ISOC1: variants seen among roughly 807,000 people sequenced by gnomAD.
ISOC1 encodes isochorismatase domain-containing protein 1.
Under a neutral mutation model 30.0 loss-of-function variants are expected in ISOC1, and 33 were observed. That is an observed-to-expected ratio of 1.10 (90% CI 0.83 to 1.47). ISOC1 has a LOEUF of 1.47. Ranked by LOEUF, ISOC1 falls within the 40% of genes most tolerant of loss-of-function variation. ISOC1 has a pLI of 0.00. For synonymous variants in ISOC1, 178 were observed against 159.8 expected, an observed-to-expected ratio of 1.11 and a Z score of -0.86; for missense variants, 372 against 388.0, an observed-to-expected ratio of 0.96 and a Z score of 0.35.
intron 3 of ISOC1, 44 bp from the exon 4 acceptor site, chr5:129,106,902 A>G (rs1227379476): frequency 7.4e-7 from 1 of 1,350,704 alleles, no homozygotes; most frequent in African/African-American, 1.4e-5. Flanking sequence ...AACTACTTTT[A>G]GTTTATTATG....
intron 4 of ISOC1, among the ~76,000 whole-genome samples, chr5:129,109,435 C>CT (rs1561423757): frequency 6.6e-6 from 1 of 152,122 alleles, no homozygotes; most frequent in South Asian, 2.1e-4. Flanking sequence ...TTAGCTGCTG[C>CT]TTTTTTTGTT....
chr5:129,102,034 A>G (rs950462862), intron 1 of ISOC1, among the ~76,000 whole-genome samples: 7 of 152,198 alleles, frequency 4.6e-5, no homozygotes, highest in African/African-American at 1.4e-4. Flanking sequence ...TGATGTCATT[A>G]ATGACATTAA....
chr5:129,101,861 T>C (rs1233991115), intron 1 of ISOC1, among the ~76,000 whole-genome samples: 1 of 152,222 alleles, frequency 6.6e-6, no homozygotes, highest in African/African-American at 2.4e-5. Context: ...TTTAATGACC[T>C]TGACAGTTTT....
chr5:129,097,024 C>T (rs1478862404), intron 1 of ISOC1, among the ~76,000 whole-genome samples: 1 of 152,052 alleles, frequency 6.6e-6, no homozygotes, highest in Non-Finnish European at 1.5e-5. Context: ...GTAGCTTTTG[C>T]AGTGTTTTGC....
intron 1 of ISOC1, among the ~76,000 whole-genome samples, chr5:129,101,161 C>CAAAAAAA (rs1156603818): frequency 6.2e-4 from 12 of 19,500 alleles, no homozygotes; most frequent in Non-Finnish European, 8.8e-4. Flanking sequence ...CTCAGCTAAT[C>CAAAAAAA]AAAAAAAAAA....
intron 1 of ISOC1, among the ~76,000 whole-genome samples, chr5:129,096,903 T>G (rs1753509947): frequency 6.6e-6 from 1 of 152,126 alleles, no homozygotes; most frequent in African/African-American, 2.4e-5. Context: ...TATTTGAAAA[T>G]TTCAGGGCCT....
chr5:129,100,928 CTT>C (rs1275088109), intron 1 of ISOC1, among the ~76,000 whole-genome samples: 1 of 150,310 alleles, frequency 6.7e-6, no homozygotes, highest in Non-Finnish European at 1.5e-5. Context: ...AAAAAACTAA[CTT>C]TTTATTTTAG....
At chr5:129,102,072 G>A (rs922141998) in intron 1 of ISOC1, among the ~76,000 whole-genome samples, 10 of 152,074 alleles carry the variant, frequency 6.6e-5, no homozygotes, top group South Asian at 6.2e-4. Flanking sequence ...AGACACAGTC[G>A]TCAGGTCTCT....
In ISOC1 at chr5:129,114,007, A is replaced by T. The variant is rs566420428; in HGVS notation, c.*1006A>T. On this transcript the variant is annotated 3_prime_UTR_variant, in exon 5 of 5. Coordinates refer to ENST00000173527, the MANE Select transcript of ISOC1 (RefSeq NM_016048.2). ...GTGAAATGTGAAACTGCTGTCTTTTATATTAAAGTAATTAAAGAAAATGTA... is the reference window on the plus strand; with the variant it reads ...GTGAAATGTGAAACTGCTGTCTTTTTTATTAAAGTAATTAAAGAAAATGTA... 5.9e-5 allele frequency: 9 copies of T among 152,238 alleles called. No individual in the cohort carries two copies. Among genetic ancestry groups the T allele is most frequent in the African/African-American group, 2.2e-4 (9 of 41,508 alleles). 9.4% of individuals were successfully genotyped at this position (152,238 alleles called of 1,614,324 possible).
chr5:129,112,431 A>G lies in ISOC1; in HGVS notation c.751-424A>G, dbSNP rs201029341. ...TCACAAGCAGCCCTCATTTGAGTCA[A>G]TGAATGAGTAAGACATGAAGCACAA... On this transcript the variant is annotated intron_variant, in intron 4 of 4. Coordinates refer to ENST00000173527, the MANE Select transcript of ISOC1 (RefSeq NM_016048.2). 5.9e-5 allele frequency among the ~76,000 whole-genome samples: 9 copies of G among 152,328 alleles called. No individual in the cohort carries two copies. In the East Asian group the frequency reaches 1.7e-3, roughly 29 times the overall value.
At chr5:129,107,553 G>A (rs1282283674) in intron 4 of ISOC1, among the ~76,000 whole-genome samples, 1 of 152,056 alleles carries the variant, frequency 6.6e-6, no homozygotes, top group East Asian at 1.9e-4. Flanking sequence ...AAAATAGAAT[G>A]ATAGGGCAGA....
chr5:129,108,510 C>CT (rs561317009), intron 4 of ISOC1, among the ~76,000 whole-genome samples: 10,335 of 144,032 alleles, frequency 0.072, 625 homozygotes, highest in African/African-American at 0.17. Context: ...TAATCCATTT[C>CT]TTTTTTTTTT....
At chr5:129,112,227 C>T (rs1333829566) in intron 4 of ISOC1, among the ~76,000 whole-genome samples, 1 of 151,936 alleles carries the variant, frequency 6.6e-6, no homozygotes, top group Non-Finnish European at 1.5e-5. Context: ...TATTACGCTC[C>T]CCTCGATTTT....
At position 129,094,992 on chromosome 5, in the gene ISOC1, GA is replaced by G. The variant is rs1561420114; in HGVS notation, c.227del (p.Glu76GlyfsTer14). The G allele has an allele frequency of 6.8e-6, 11 of 1,610,484 alleles. No individual in the cohort carries two copies. Among genetic ancestry groups the G allele is most frequent in the South Asian group, 4.4e-5 (4 of 90,688 alleles). ...ATTCGTGGTGCAGCTGTTCGCCGAG[GA>G]GTGGGGCCAGTACGTGGACTTGCCC... The part of the protein sequence containing the change: ...RKFVVQLFAE[E>X]WGQYVDLPKG... On this transcript the variant is annotated frameshift_variant, in exon 1 of 5. Transcript: ENST00000173527. LOFTEE classifies it high-confidence loss of function.
Position 129,112,853 on chromosome 5 carries a change from A to G in ISOC1, c.751-2A>G, listed in dbSNP as rs1323038820. ...TGATTTGCCTTTATCTTTTTGTTCA[A>G]GCGTCTCGCTCGAACCGGGATCATA... On this transcript the variant is annotated splice_acceptor_variant, in intron 4 of 4. Transcript: ENST00000173527. LOFTEE classifies it high-confidence loss of function. The G allele has an allele frequency of 6.2e-7, 1 of 1,610,250 alleles. No homozygotes were observed. The highest frequency in any genetic ancestry group is 8.5e-7 in the Non-Finnish European group (1 of 1,178,806).
intron 4 of ISOC1, among the ~76,000 whole-genome samples, chr5:129,110,076 C>T (rs1256031468): frequency 6.6e-6 from 1 of 152,130 alleles, no homozygotes; most frequent in African/African-American, 2.4e-5. Flanking sequence ...CCTTGATGTC[C>T]TTGTACTTCC....
At chr5:129,098,974 G>T (rs552647793) in intron 1 of ISOC1, among the ~76,000 whole-genome samples, 1 of 152,100 alleles carries the variant, frequency 6.6e-6, no homozygotes, top group South Asian at 2.1e-4. Flanking sequence ...CTTTGCCTCA[G>T]GAGCGTGGCA....
chr5:129,105,304 C>G lies in ISOC1; in HGVS notation c.549C>G (p.Thr183=). ...LTGVKLVLPK[T]KFSMVLPEVE... is the part of the protein sequence containing the mutation. ...GTGTAAAACTGGTACTTCCAAAGAC[C>G]AAGTTTTCAATGGTATTACCAGAAG... The change falls in exon 3 of 5, where the codon ACC becomes ACG. Residue 183 remains threonine, a synonymous_variant. Coordinates refer to ENST00000173527, the MANE Select transcript of ISOC1 (RefSeq NM_016048.2). The G allele has an allele frequency of 6.2e-7, 1 of 1,613,616 alleles. No individual in the cohort carries two copies. The highest frequency in any genetic ancestry group is 8.5e-7 in the Non-Finnish European group (1 of 1,179,788).
intron 4 of ISOC1, among the ~76,000 whole-genome samples, chr5:129,110,833 A>G (rs1001322906): frequency 6.6e-6 from 1 of 152,150 alleles, no homozygotes; most frequent in Non-Finnish European, 1.5e-5. Flanking sequence ...ACTAACCTTT[A>G]TTGGCACATT....
Sources: gnomAD v4.1 joint callset for allele counts (sites outside exome capture counted in the v4.1 genomes callset) on GRCh38, gnomAD v4.1.1 for gene constraint, MANE v1.5 for transcripts, NCBI Gene and HGNC (gene_info 2026-07-23, HGNC 2026-07-21) for gene names.